SLC16A7: variants seen among roughly 807,000 people sequenced by gnomAD.
SLC16A7 encodes the protein solute carrier family 16 member 7, also known as monocarboxylate transporter 2.
SLC16A7 carries 33 observed loss-of-function variants against 34.9 expected under a neutral mutation model. The observed-to-expected ratio is 0.94, with a 90% CI of 0.72 to 1.26. The LOEUF is 1.26. SLC16A7 is among the 50% of genes most tolerant of loss of function. The pLI, the probability that SLC16A7 is intolerant of heterozygous loss-of-function variation, is 0.00. For missense variants in SLC16A7, 573 were observed against 578.1 expected, an observed-to-expected ratio of 0.99 and a Z score of 0.09; for synonymous variants, 201 against 206.6, an observed-to-expected ratio of 0.97 and a Z score of 0.23.
At chr12:59,689,621 G>A (rs903242914) in intron 2 of SLC16A7, among the ~76,000 whole-genome samples, 2 of 151,800 alleles carry the variant, frequency 1.3e-5, no homozygotes, top group African/African-American at 4.8e-5. Context: ...TTTAAAATGG[G>A]CATTTTAATA....
rs147984627 is a variant in SLC16A7 at position 59,683,192 on chromosome 12, G to A, written c.-30-21580G>A. Reference sequence around the variant, plus strand: ...TGTAATACCTGTCAACATCCTGTGAGACTGGTGTCTTCTGATAGAGTGTTA... The same window carrying A: ...TGTAATACCTGTCAACATCCTGTGAAACTGGTGTCTTCTGATAGAGTGTTA... On this transcript the variant is annotated intron_variant, in intron 2 of 5. Coordinates refer to ENST00000547379, the MANE Select transcript of SLC16A7 (RefSeq NM_001270623.2). Among the ~76,000 whole-genome samples the A allele has an allele frequency of 7.3e-4, 111 of 152,260 alleles. 2 individuals carry two copies. The East Asian group carries it at 0.018, about 25-fold the overall frequency.
intron 2 of SLC16A7, among the ~76,000 whole-genome samples, chr12:59,685,582 A>G (rs1054672476): frequency 1.3e-5 from 2 of 152,182 alleles, no homozygotes; most frequent in Non-Finnish European, 2.9e-5. Flanking sequence ...TGATATTTTT[A>G]TCCAACAACA....
chr12:59,620,293 G>C (rs757922320), intron 1 of SLC16A7, among the ~76,000 whole-genome samples: 3 of 151,906 alleles, frequency 2.0e-5, no homozygotes, highest in Non-Finnish European at 4.4e-5. Flanking sequence ...TGAGATTCTA[G>C]ATGCAAAGCA....
intron 2 of SLC16A7, among the ~76,000 whole-genome samples, chr12:59,669,749 C>T (rs373612572): frequency 2.6e-5 from 4 of 151,536 alleles, no homozygotes; most frequent in South Asian, 2.1e-4. Flanking sequence ...AGGGTGAAGG[C>T]GTCAGAAAAC....
In SLC16A7 at chr12:59,710,811, C is replaced by T. The variant is rs577521835; in HGVS notation, c.217+5793C>T. On this transcript the variant is annotated intron_variant, in intron 3 of 5. Coordinates refer to ENST00000547379, the MANE Select transcript of SLC16A7 (RefSeq NM_001270623.2). ...ATGACAGAAACCTGATACAGATACCCTAAAGCCTAAAGAGAAATGTTCATG... is the reference window on the plus strand; with the variant it reads ...ATGACAGAAACCTGATACAGATACCTTAAAGCCTAAAGAGAAATGTTCATG... Among the ~76,000 whole-genome samples, 3 of 152,210 alleles carry T rather than the reference C, an allele frequency of 2.0e-5. No individual in the cohort carries two copies. The South Asian group carries it at 6.2e-4, about 32-fold the overall frequency.
At chr12:59,670,815 G>C (rs893287746) in intron 2 of SLC16A7, among the ~76,000 whole-genome samples, 2 of 152,148 alleles carry the variant, frequency 1.3e-5, no homozygotes, top group Middle Eastern at 6.3e-3. Context: ...TGTCTTCTGG[G>C]CTCATCGTGG....
At chr12:59,704,603 A>C (rs1873340108) in intron 2 of SLC16A7, among the ~76,000 whole-genome samples, 169 bp from the exon 3 acceptor site, 1 of 152,188 alleles carries the variant, frequency 6.6e-6, no homozygotes, top group Non-Finnish European at 1.5e-5. Context: ...AACTTGCATC[A>C]ATTGTTTTTG....
intron 2 of SLC16A7, among the ~76,000 whole-genome samples, chr12:59,681,266 T>C (rs888380566): frequency 5.0e-4 from 76 of 152,362 alleles, no homozygotes; most frequent in African/African-American, 1.8e-3. Context: ...GTATGTACCA[T>C]GTCATCCATC....
intron 1 of SLC16A7, among the ~76,000 whole-genome samples, chr12:59,630,376 G>C (rs919322030): frequency 6.6e-6 from 1 of 151,862 alleles, no homozygotes; most frequent in Non-Finnish European, 1.5e-5. Context: ...GGAAGATCAT[G>C]CTTTAGAAGC....
chr12:59,775,483 C>T lies in SLC16A7; in HGVS notation c.1180+8C>T, dbSNP rs370099194. 187 of 1,600,248 alleles carry T rather than the reference C, an allele frequency of 1.2e-4. No individual in the cohort carries two copies. Among genetic ancestry groups the T allele is most frequent in the Non-Finnish European group, 1.5e-4 (178 of 1,169,172 alleles). ...TTGGCCCTCCTCTTGCAGGTAAGAA[C>T]GTTTTTCATCAAGGAAAATGTAAAG... On this transcript the variant is annotated splice_region_variant and intron_variant, in intron 5 of 5. Transcript: ENST00000547379.
rs117259719 is a variant in SLC16A7 at position 59,769,504 on chromosome 12, C to A, written c.218-1715C>A. Among the ~76,000 whole-genome samples, 80 of 151,984 alleles carry A rather than the reference C, an allele frequency of 5.3e-4. No homozygotes were observed. In the East Asian group the frequency reaches 0.015, roughly 28 times the overall value. ...AACCCTGTTGTTTTTATAGAGCATT[C>A]TTTCATGTGGCCTTTTTAAAGTTTT... On this transcript the variant is annotated intron_variant, in intron 3 of 5. Coordinates refer to ENST00000547379, the MANE Select transcript of SLC16A7 (RefSeq NM_001270623.2).
intron 2 of SLC16A7, among the ~76,000 whole-genome samples, chr12:59,678,948 C>T (rs1245706836): frequency 6.6e-6 from 1 of 152,146 alleles, no homozygotes; most frequent in African/African-American, 2.4e-5. Flanking sequence ...GTCAGTGCTG[C>T]CCTGAGCGAA....
chr12:59,720,282 AT>A, intron 3 of SLC16A7: 2 of 518,530 alleles, frequency 3.9e-6, no homozygotes, highest in Non-Finnish European at 6.7e-6. Flanking sequence ...CCTTTCATAA[AT>A]TTGGTCTATG....
intron 1 of SLC16A7, among the ~76,000 whole-genome samples, chr12:59,613,354 G>A (rs2136970162): frequency 6.6e-6 from 1 of 152,304 alleles, no homozygotes; most frequent in East Asian, 1.9e-4. Context: ...TGACATGTGA[G>A]GATTATGGTA....
At position 59,775,299 on chromosome 12, in the gene SLC16A7, A is replaced by G. The variant is rs746986198; in HGVS notation, c.1004A>G (p.Gln335Arg). ...GVCHLLCPLAQDYTSLVLYAV... is the reference protein window; with the variant it reads ...GVCHLLCPLARDYTSLVLYAV... ...TGTCACCTCTTGTGCCCACTGGCAC[A>G]GGACTACACAAGCCTGGTATTATAT... Residue 335 changes from glutamine (Q) to arginine (R), a missense_variant, in exon 5 of 6, where the codon CAG becomes CGG. Gln to Arg is a conservative substitution (Grantham distance 43). Transcript: ENST00000547379. 1 of 1,614,180 alleles carries G rather than the reference A, an allele frequency of 6.2e-7. No individual in the cohort carries two copies. The highest frequency in any genetic ancestry group is 1.1e-5 in the South Asian group (1 of 91,082).
rs191378600 is a variant in SLC16A7 at position 59,742,805 on chromosome 12, G to T, written c.218-28414G>T. On this transcript the variant is annotated intron_variant, in intron 3 of 5. Coordinates refer to ENST00000547379, the MANE Select transcript of SLC16A7 (RefSeq NM_001270623.2). Reference sequence around the variant, plus strand: ...ATATCTTTATCAGTCAATATATTTTGAAGATTCTCTTTCCTTCAGCATGTT... The same window carrying T: ...ATATCTTTATCAGTCAATATATTTTTAAGATTCTCTTTCCTTCAGCATGTT... 1.1e-3 allele frequency among the ~76,000 whole-genome samples: 171 copies of T among 152,266 alleles called. 2 individuals are homozygous for T. Among genetic ancestry groups the T allele is most frequent in the African/African-American group, 4.0e-3 (167 of 41,550 alleles).
intron 2 of SLC16A7, among the ~76,000 whole-genome samples, chr12:59,672,151 T>C (rs1369231917): frequency 7.5e-6 from 1 of 132,836 alleles, no homozygotes; most frequent in East Asian, 2.3e-4. Flanking sequence ...TGTGTATATA[T>C]GCATATATAC....
intron 3 of SLC16A7, among the ~76,000 whole-genome samples, chr12:59,731,656 G>A (rs1876965220): frequency 6.6e-6 from 1 of 152,170 alleles, no homozygotes; most frequent in South Asian, 2.1e-4. Context: ...CTCTGAGCCT[G>A]ACTTCTGTAT....
chr12:59,734,891 C>T (rs1877405630), intron 3 of SLC16A7, among the ~76,000 whole-genome samples: 1 of 152,170 alleles, frequency 6.6e-6, no homozygotes, highest in African/African-American at 2.4e-5. Context: ...TCATCCATTG[C>T]TATAAATTCA....
Sources: allele counts gnomAD v4.1 joint callset (sites outside exome capture counted in the v4.1 genomes callset), GRCh38; gene constraint gnomAD v4.1.1; transcripts MANE v1.5; gene names NCBI Gene and HGNC (gene_info 2026-07-23, HGNC 2026-07-21).